The following NRP2 variants were observed in gnomAD, a reference collection of about 807,000 sequenced individuals.
NRP2 encodes neuropilin 2.
Under a neutral mutation model 110.4 loss-of-function variants are expected in NRP2, and 52 were observed. That is an observed-to-expected ratio of 0.47 (90% confidence interval 0.38 to 0.59). The LOEUF (loss-of-function observed/expected upper bound fraction) is 0.59, where lower values mean the gene tolerates loss of function less well. Among genes scored for constraint, NRP2 ranks in the 20% least tolerant of loss-of-function variants. The probability of loss-of-function intolerance (pLI) is 0.00; values close to 1 mark genes in which losing one functional copy is unlikely to be tolerated. For synonymous variants in NRP2, 508 were observed against 468.9 expected (o/e 1.08, Z -1.08); for missense variants, 1,049 against 1,203.0 (o/e 0.87, Z 1.89).
intron 7 of NRP2, among the ~76,000 whole-genome samples, chr2:205,735,062 G>T (rs2057318669): frequency 6.6e-6 from 1 of 152,172 alleles, no homozygotes; most frequent in South Asian, 2.1e-4. Context: ...CATTTGGGAA[G>T]GGTGAAACAG....
intron 7 of NRP2, among the ~76,000 whole-genome samples, chr2:205,730,824 C>T (rs894376890): frequency 5.9e-5 from 9 of 152,336 alleles, no homozygotes; most frequent in African/African-American, 1.2e-4. Flanking sequence ...TGGACCCAGA[C>T]GGGGCTGAGG....
At chr2:205,777,930 A>G (rs2058124731) in intron 15 of NRP2, 1 of 152,212 alleles carries the variant, frequency 6.6e-6, no homozygotes, top group Admixed American at 6.5e-5. Flanking sequence ...AGAAGGTCAA[A>G]TGAAGATGTA....
intron 1 of NRP2, among the ~76,000 whole-genome samples, chr2:205,688,138 G>C (rs2056219017): frequency 6.6e-6 from 1 of 152,204 alleles, no homozygotes; most frequent in Non-Finnish European, 1.5e-5. Flanking sequence ...TTAAAAGATA[G>C]AGCAAAAGAA....
At chr2:205,750,135 T>C (rs978917842) in intron 11 of NRP2, among the ~76,000 whole-genome samples, 2 of 152,216 alleles carry the variant, frequency 1.3e-5, no homozygotes, top group African/African-American at 4.8e-5. Flanking sequence ...TCTCATTTGT[T>C]GAGCCCTCAC....
At chr2:205,704,376 C>T (rs374615732) in intron 2 of NRP2, among the ~76,000 whole-genome samples, 6 of 152,200 alleles carry the variant, frequency 3.9e-5, no homozygotes, top group East Asian at 1.9e-4. Context: ...TGATCACTCA[C>T]GACACTATTA....
intron 2 of NRP2, among the ~76,000 whole-genome samples, chr2:205,699,877 A>G (rs867281497): frequency 6.6e-6 from 1 of 152,160 alleles, no homozygotes; most frequent in African/African-American, 2.4e-5. Context: ...TCCCAGTGCC[A>G]AACTGTCAGA....
At position 205,763,991 on chromosome 2, in the gene NRP2, G is replaced by T; in HGVS notation, c.2307+55G>T. On this transcript the variant is annotated intron_variant, in intron 13 of 16. Coordinates refer to ENST00000357785, the MANE Select transcript of NRP2 (RefSeq NM_003872.3). The surrounding 1 kb of genome is among the most constrained non-coding windows in gnomAD (Gnocchi z 4.0). Reference sequence around the variant, plus strand: ...TCCGTATTTCAATATTTCAAGGGCCGAGCCCATTCATCGTTAGGGAACGTG... The same window carrying T: ...TCCGTATTTCAATATTTCAAGGGCCTAGCCCATTCATCGTTAGGGAACGTG... The T allele has an allele frequency of 1.2e-6, 2 of 1,604,664 alleles. No individual in the cohort carries two copies. The highest frequency in any genetic ancestry group is 1.7e-6 in the Non-Finnish European group (2 of 1,173,804).
At chr2:205,790,649 T>G (rs1372316809) in intron 15 of NRP2, among the ~76,000 whole-genome samples, 1 of 25,868 alleles carries the variant, frequency 3.9e-5, no homozygotes, top group East Asian at 1.1e-3. Flanking sequence ...TTCTTCCATG[T>G]TTTTTTTTTT....
chr2:205,763,862 G>T lies in NRP2; in HGVS notation c.2233G>T (p.Val745Phe). The change falls in exon 13 of 17, where the codon GTC (valine) becomes TTC (phenylalanine). Residue 745 changes from valine (V) to phenylalanine (F), a missense_variant. Physicochemically the swap from Val to Phe is conservative, Grantham distance 50 (BLOSUM62 -1). Coordinates refer to ENST00000357785, the MANE Select transcript of NRP2 (RefSeq NM_003872.3). This position sits in a 1 kb window ranked among gnomAD's most constrained non-coding sequence, Gnocchi z 4.0. ...EASQESKLLW[V>F]IREDQGGEWK... Reference sequence around the variant, plus strand: ...CAGCCAGGAGAGCAAGTTGCTGTGGGTCATCCGTGAGGACCAGGGCGGCGA... The same window carrying T: ...CAGCCAGGAGAGCAAGTTGCTGTGGTTCATCCGTGAGGACCAGGGCGGCGA... 6.2e-7 allele frequency: 1 copy of T among 1,614,152 alleles called. No individual in the cohort carries two copies. The highest frequency in any genetic ancestry group is 1.3e-5 in the African/African-American group (1 of 75,046).
intron 3 of NRP2, among the ~76,000 whole-genome samples, chr2:205,721,671 T>A (rs1418687174): frequency 2.6e-5 from 4 of 152,190 alleles, no homozygotes; most frequent in Non-Finnish European, 4.4e-5. Flanking sequence ...GATGCCTCCA[T>A]GCGTCCCAAG....
At position 205,682,637 on chromosome 2, in the gene NRP2, C is replaced by T. The variant is rs2056038415; in HGVS notation, c.-654C>T. On this transcript the variant is annotated 5_prime_UTR_variant, in exon 1 of 17. Coordinates refer to ENST00000357785, the MANE Select transcript of NRP2 (RefSeq NM_003872.3). This position sits in a 1 kb window ranked among gnomAD's most constrained non-coding sequence, Gnocchi z 4.3. ...CTCGCTCACTCCCAGGCGATCCCAG[C>T]CGCCACCGCCGCCGCACCAGCAGCA... 1.2e-5 allele frequency: 2 copies of T among 167,184 alleles called. No homozygotes were observed. Among genetic ancestry groups the T allele is most frequent in the South Asian group, 1.6e-4 (1 of 6,276 alleles). The allele number at this position is 167,184 out of a possible 1,614,324, so 10.4% of individuals were successfully genotyped here.
intron 2 of NRP2, among the ~76,000 whole-genome samples, chr2:205,712,940 C>G (rs1306607451): frequency 6.6e-6 from 1 of 152,140 alleles, no homozygotes; most frequent in African/African-American, 2.4e-5. Context: ...CTAACAAGCT[C>G]AGAGAAAAAA....
intron 15 of NRP2, chr2:205,776,079 G>A (rs1470092096): frequency 1.3e-6 from 1 of 782,980 alleles, no homozygotes; most frequent in South Asian, 1.4e-5. Context: ...TAATGCAATC[G>A]TTGAGAAGTG....
At chr2:205,746,985 G>A (rs2057549929) in intron 10 of NRP2, among the ~76,000 whole-genome samples, 1 of 152,070 alleles carries the variant, frequency 6.6e-6, no homozygotes, top group African/African-American at 2.4e-5. Context: ...CATTACCTGG[G>A]GATGAGGCCA....
At chr2:205,717,783 T>C (rs980738838) in intron 3 of NRP2, among the ~76,000 whole-genome samples, 14 of 152,200 alleles carry the variant, frequency 9.2e-5, no homozygotes, top group Non-Finnish European at 2.1e-4. Flanking sequence ...GAGCATCCTC[T>C]GCTGCCGAGC....
Position 205,753,126 on chromosome 2 carries a change from C to T in NRP2, c.2044+151C>T, listed in dbSNP as rs557570907. The T allele has an allele frequency of 3.0e-5, 32 of 1,074,402 alleles. No homozygotes were observed. In the Middle Eastern group the frequency reaches 8.7e-4, roughly 29 times the overall value. The allele number at this position is 1,074,402 out of a possible 1,614,324, so 66.6% of individuals were successfully genotyped here. A position where few individuals can be genotyped will look rare whatever the true frequency, so the allele number is the denominator to read the frequency against. ...AAACCACCACAGTCTTTGCTCAAGA[C>T]GTCACCTCAAAGAATAGCCAGTTGG... On this transcript the variant is annotated intron_variant, in intron 12 of 16. Coordinates refer to ENST00000357785, the MANE Select transcript of NRP2 (RefSeq NM_003872.3).
chr2:205,770,618 G>A (rs537764875), intron 15 of NRP2, among the ~76,000 whole-genome samples: 25 of 152,074 alleles, frequency 1.6e-4, no homozygotes, highest in Non-Finnish European at 2.1e-4. Context: ...TTCCTCCCAC[G>A]CCTCCTTCTC....
intron 1 of NRP2, among the ~76,000 whole-genome samples, chr2:205,688,304 T>C (rs2056223017): frequency 6.6e-6 from 1 of 152,246 alleles, no homozygotes; most frequent in Non-Finnish European, 1.5e-5. Flanking sequence ...GAGTGGCAGA[T>C]AAGTATATTG....
At chr2:205,752,692 T>C in intron 11 of NRP2, 143 bp from the exon 12 acceptor site, 1 of 858,056 alleles carries the variant, frequency 1.2e-6, no homozygotes, top group Non-Finnish European at 1.9e-6. Context: ...ATCGCCAAGA[T>C]GAGTTAAATG....
Sources: gnomAD v4.1 joint callset for allele counts (sites outside exome capture counted in the v4.1 genomes callset) on GRCh38, gnomAD v4.1.1 for gene constraint, Gnocchi (gnomAD v3.1) non-coding constraint, MANE v1.5 for transcripts, NCBI Gene and HGNC (gene_info 2026-07-23, HGNC 2026-07-21) for gene names.